CPSF6: variants seen among roughly 807,000 people sequenced by gnomAD.
CPSF6 encodes the protein cleavage and polyadenylation specific factor 6.
Under a neutral mutation model 56.7 loss-of-function variants are expected in CPSF6, and 10 were observed. That is an observed-to-expected ratio of 0.18 (90% CI 0.11 to 0.30). CPSF6 has a LOEUF of 0.30. Among genes scored for constraint, CPSF6 ranks in the 10% least tolerant of loss-of-function variants. The pLI, the probability that CPSF6 is intolerant of heterozygous loss-of-function variation, is 1.00. For missense variants in CPSF6, 419 were observed against 722.9 expected (o/e 0.58, Z 4.82); for synonymous variants, 248 against 244.8 (o/e 1.01, Z -0.12).
chr12:69,267,832 C>A (rs1873065759), intron 9 of CPSF6, among the ~76,000 whole-genome samples: 1 of 151,678 alleles, frequency 6.6e-6, no homozygotes, highest in Non-Finnish European at 1.5e-5. Flanking sequence ...GTGCATTAGT[C>A]CTGGGAAAAG....
Position 69,260,073 on chromosome 12 carries a change from G to A in CPSF6, c.1345G>A (p.Val449Ile). ...GDYGSAIETL[V>I]TAISLIKQSK... ...TTATGGGAGTGCTATTGAGACACTGGTAACTGCAATTTCTTTAATTAAACA... is the reference window on the plus strand; with the variant it reads ...TTATGGGAGTGCTATTGAGACACTGATAACTGCAATTTCTTTAATTAAACA... Residue 449 changes from valine to isoleucine, a missense_variant, in exon 8 of 10, where the codon GTA (valine) becomes ATA (isoleucine). Transcript: ENST00000435070. 6.2e-7 allele frequency: 1 copy of A among 1,613,122 alleles called. No homozygotes were observed. Among genetic ancestry groups the A allele is most frequent in the Non-Finnish European group, 8.5e-7 (1 of 1,179,508 alleles).
chr12:69,251,008 T>A (rs188113691), intron 1 of CPSF6, 121 bp from the exon 2 acceptor site: 2 of 942,416 alleles, frequency 2.1e-6, no homozygotes, highest in Admixed American at 5.5e-5. Flanking sequence ...AAAAGATTTG[T>A]ACTGAAATCC....
At chr12:69,250,872 C>T (rs1271847397) in intron 1 of CPSF6, among the ~76,000 whole-genome samples, 2 of 152,054 alleles carry the variant, frequency 1.3e-5, no homozygotes, top group African/African-American at 4.8e-5. Context: ...GTCTCGAACT[C>T]CTGACCTCAA....
chr12:69,252,210 A>AC (rs1242547976), intron 2 of CPSF6: 1 of 403,650 alleles, frequency 2.5e-6, no homozygotes, highest in African/African-American at 2.1e-5. Context: ...AGTAGCTAGG[A>AC]CCACAGGCAT....
intron 1 of CPSF6, 76 bp downstream of exon 1, chr12:69,239,782 G>A: frequency 1.4e-6 from 2 of 1,402,196 alleles, no homozygotes; most frequent in East Asian, 3.0e-5. Flanking sequence ...GCCCGCTGCG[G>A]CCGCGAGCCG....
intron 1 of CPSF6, among the ~76,000 whole-genome samples, chr12:69,248,850 C>T (rs1169858507): frequency 6.6e-6 from 1 of 152,034 alleles, no homozygotes; most frequent in East Asian, 1.9e-4. Flanking sequence ...TTGGATAAGT[C>T]ATTAATTACA....
rs146731517 is a variant in CPSF6 at position 69,242,901 on chromosome 12, G to T, written c.60+3195G>T. Among the ~76,000 whole-genome samples the T allele has an allele frequency of 2.1e-3, 324 of 152,218 alleles. 3 individuals carry two copies. Among genetic ancestry groups the T allele is most frequent in the African/African-American group, 7.2e-3 (297 of 41,524 alleles). On this transcript the variant is annotated intron_variant, in intron 1 of 9. Coordinates refer to ENST00000435070, the MANE Select transcript of CPSF6 (RefSeq NM_007007.3). ...AGGTGGGCAGATCGCTTGAGGTCAG[G>T]AGTTGCAGACCAGCCTGGCCAACAT... is the stretch of plus-strand genomic sequence containing the variant.
At position 69,243,237 on chromosome 12, in the gene CPSF6, G is replaced by A. The variant is rs140496159; in HGVS notation, c.60+3531G>A. Among the ~76,000 whole-genome samples, 490 of 152,274 alleles carry A rather than the reference G, an allele frequency of 3.2e-3. 2 individuals are homozygous for A. The highest frequency in any genetic ancestry group is 0.01 in the African/African-American group (423 of 41,550). ...GATACCTACATACAGTAGTGCACAC[G>A]TATCCACAGTTCCACTTTCTGTGGT... On this transcript the variant is annotated intron_variant, in intron 1 of 9. Coordinates refer to ENST00000435070, the MANE Select transcript of CPSF6 (RefSeq NM_007007.3).
In CPSF6 at chr12:69,249,168, G is replaced by GGGGGGGGGGGGC. The variant is rs1565644117; in HGVS notation, c.61-1960_61-1959insGGGGGGGGGGCG. ...CCAGCTACTCGGGGGGGGGGGGGGGGGCTGAGGCAGGAGAATGGCGTGAAC... is the reference window on the plus strand; with the variant it reads ...CCAGCTACTCGGGGGGGGGGGGGGGGGGGGGGGGGGGCGCTGAGGCAGGAGAATGGCGTGAAC... On this transcript the variant is annotated intron_variant, in intron 1 of 9. Coordinates refer to ENST00000435070, the MANE Select transcript of CPSF6 (RefSeq NM_007007.3). Among the ~76,000 whole-genome samples the GGGGGGGGGGGGC allele has an allele frequency of 1.2e-4, 4 of 33,908 alleles. 2 individuals carry two copies. The highest frequency in any genetic ancestry group is 1.3e-4 in the Non-Finnish European group (2 of 15,160). 22.2% of individuals were successfully genotyped at this position (33,908 alleles called of 152,430 possible).
chr12:69,247,622 T>C (rs895798458), intron 1 of CPSF6, among the ~76,000 whole-genome samples: 3 of 152,210 alleles, frequency 2.0e-5, no homozygotes, highest in African/African-American at 4.8e-5. Context: ...ACCTTTTTTT[T>C]AGTCTGTTCA....
intron 1 of CPSF6, among the ~76,000 whole-genome samples, chr12:69,245,775 T>C (rs1175680133): frequency 6.6e-6 from 1 of 152,184 alleles, no homozygotes; most frequent in Non-Finnish European, 1.5e-5. Context: ...TTTAGTAATC[T>C]GACCACCCAG....
At chr12:69,252,831 C>T (rs1872316255) in intron 2 of CPSF6, among the ~76,000 whole-genome samples, 1 of 152,082 alleles carries the variant, frequency 6.6e-6, no homozygotes, top group South Asian at 2.1e-4. Context: ...GGGTATATAC[C>T]TTCTAGTTTC....
chr12:69,263,227 C>G (rs1168968316), intron 9 of CPSF6, among the ~76,000 whole-genome samples: 2 of 151,886 alleles, frequency 1.3e-5, no homozygotes. Flanking sequence ...TGATTTATAT[C>G]TAAAAATTTT....
chr12:69,252,150 C>T (rs1244627232), intron 2 of CPSF6: 1 of 451,976 alleles, frequency 2.2e-6, no homozygotes, highest in African/African-American at 2.0e-5. Flanking sequence ...TCATAGCTCA[C>T]TGAAGCCTCA....
rs780047029 is a variant in CPSF6 at position 69,253,016 on chromosome 12, T to A, written c.271-35T>A. 1.1e-5 allele frequency: 14 copies of A among 1,258,548 alleles called. No individual in the cohort carries two copies. In the South Asian group the frequency reaches 1.9e-4, roughly 17 times the overall value. The allele number at this position is 1,258,548 out of a possible 1,614,324, so 78.0% of individuals were successfully genotyped here. A position where few individuals can be genotyped will look rare whatever the true frequency, so the allele number is the denominator to read the frequency against. On this transcript the variant is annotated intron_variant, in intron 2 of 9. Coordinates refer to ENST00000435070, the MANE Select transcript of CPSF6 (RefSeq NM_007007.3). ...TGGGATAATAAAAATCTTGGTTTTA[T>A]TTTAATGGTTAATGAGGGGGAAAAT... is the stretch of plus-strand genomic sequence containing the variant.
intron 8 of CPSF6, 110 bp downstream of exon 8, chr12:69,260,307 G>A: frequency 2.5e-6 from 2 of 809,388 alleles, no homozygotes; most frequent in Non-Finnish European, 1.8e-6. Context: ...TGATTATTTA[G>A]CAGCTGGAGT....
intron 8 of CPSF6, among the ~76,000 whole-genome samples, chr12:69,262,125 T>C (rs1169595069): frequency 6.8e-6 from 1 of 147,718 alleles, no homozygotes; most frequent in African/African-American, 2.5e-5. Context: ...ACTAGTTTAA[T>C]AGATGATGTG....
Position 69,239,608 on chromosome 12 carries a change from G to C in CPSF6, c.-39G>C, listed in dbSNP as rs1008481045. The C allele has an allele frequency of 1.3e-5, 20 of 1,539,382 alleles. 2 individuals are homozygous for C. The South Asian group carries it at 1.5e-4, about 11-fold the overall frequency. ...TGCTGCCGCGGCGGGCAGACCTGCA[G>C]GAGGCGGCGGCGGCGGCGGCGGCCG... On this transcript the variant is annotated 5_prime_UTR_variant, in exon 1 of 10. Coordinates refer to ENST00000435070, the MANE Select transcript of CPSF6 (RefSeq NM_007007.3).
In CPSF6 at chr12:69,273,193, G is replaced by A. The variant is rs1189977871; in HGVS notation, c.*3685G>A. 1 of 517,400 alleles carries A rather than the reference G, an allele frequency of 1.9e-6. No individual in the cohort carries two copies. Among genetic ancestry groups the A allele is most frequent in the Non-Finnish European group, 4.0e-6 (1 of 253,072 alleles). The allele number at this position is 517,400 out of a possible 1,614,324, so 32.1% of individuals were successfully genotyped here. On this transcript the variant is annotated 3_prime_UTR_variant, in exon 10 of 10. Transcript: ENST00000435070. ...TACTCTTCTTTCTTGGCATTAGAAA[G>A]AAGCAATATGAATTTTTGTGAATAT...
Sources: allele counts gnomAD v4.1 joint callset (sites outside exome capture counted in the v4.1 genomes callset), GRCh38; gene constraint gnomAD v4.1.1; transcripts MANE v1.5; gene names NCBI Gene and HGNC (gene_info 2026-07-23, HGNC 2026-07-21).